Variants in MTUS2 observed in about 807,000 individuals in gnomAD.
The protein encoded by MTUS2 is microtubule associated scaffold protein 2, also known as microtubule-associated tumor suppressor candidate 2.
MTUS2 carries 40 observed loss-of-function variants against 114.1 expected under a neutral mutation model. That is an observed-to-expected ratio of 0.35 (90% confidence interval 0.27 to 0.46). The LOEUF is 0.46. Ranked by LOEUF, MTUS2 falls within the 20% of genes least tolerant of loss-of-function variation. The pLI, the probability that MTUS2 is intolerant of heterozygous loss-of-function variation, is 1.00. For missense variants in MTUS2, 1,679 were observed against 1,705.4 expected (o/e 0.98, Z 0.27); for synonymous variants, 688 against 672.0 (o/e 1.02, Z -0.37).
chr13:29,112,283 G>A (rs6490355), intron 5 of MTUS2, among the ~76,000 whole-genome samples: 101,077 of 151,866 alleles, frequency 0.67, 34,292 homozygotes, highest in Non-Finnish European at 0.74. Context: ...AGAAGGCTTG[G>A]TCAGCGAGGC....
intron 9 of MTUS2, among the ~76,000 whole-genome samples, chr13:29,460,340 C>A (rs971334509): frequency 6.6e-6 from 1 of 152,114 alleles, no homozygotes; most frequent in African/African-American, 2.4e-5. Flanking sequence ...ATAATGGCTG[C>A]CAATATTAGG....
At chr13:29,390,270 G>A (rs1333076795) in intron 8 of MTUS2, among the ~76,000 whole-genome samples, 1 of 151,858 alleles carries the variant, frequency 6.6e-6, no homozygotes, top group African/African-American at 2.4e-5. Flanking sequence ...AGGATCAGGA[G>A]TGTATAAGAG....
intron 5 of MTUS2, among the ~76,000 whole-genome samples, chr13:29,219,447 G>C (rs545658716): frequency 9.0e-4 from 136 of 151,852 alleles, no homozygotes; most frequent in Non-Finnish European, 1.6e-3. Context: ...GTGCATGTGT[G>C]TTTATAGCAG....
At chr13:29,276,365 A>C (rs1166564027) in intron 5 of MTUS2, among the ~76,000 whole-genome samples, 1 of 152,182 alleles carries the variant, frequency 6.6e-6, no homozygotes, top group Non-Finnish European at 1.5e-5. Context: ...ATTTTACTCT[A>C]ATGAAGGGAT....
intron 5 of MTUS2, among the ~76,000 whole-genome samples, chr13:29,121,524 G>T (rs1891307751): frequency 1.3e-5 from 2 of 152,060 alleles, no homozygotes; most frequent in South Asian, 4.2e-4. Context: ...ATTTTAAAAA[G>T]ATATATAATA....
intron 2 of MTUS2, among the ~76,000 whole-genome samples, chr13:28,861,923 A>AT (rs1437695171): frequency 6.6e-6 from 1 of 151,892 alleles, no homozygotes; most frequent in Non-Finnish European, 1.5e-5. Flanking sequence ...CTTCCCTTCA[A>AT]TTTTTGCTGC....
chr13:28,902,717 C>T (rs905485369), intron 2 of MTUS2, among the ~76,000 whole-genome samples: 3 of 152,010 alleles, frequency 2.0e-5, no homozygotes, highest in Non-Finnish European at 4.4e-5. Flanking sequence ...ACTCAATTTG[C>T]TAATATTATG....
At chr13:29,263,135 A>G (rs1230760782) in intron 5 of MTUS2, among the ~76,000 whole-genome samples, 3 of 152,212 alleles carry the variant, frequency 2.0e-5, no homozygotes, top group African/African-American at 7.2e-5. Flanking sequence ...TGACTGTACT[A>G]TATGGCACTC....
At chr13:28,949,574 T>G (rs1361880117) in intron 2 of MTUS2, among the ~76,000 whole-genome samples, 1 of 152,204 alleles carries the variant, frequency 6.6e-6, no homozygotes, top group East Asian at 1.9e-4. Flanking sequence ...ACTCTTTTTT[T>G]CACCTTGAAA....
intron 7 of MTUS2, among the ~76,000 whole-genome samples, chr13:29,336,644 G>T (rs1315405983): frequency 2.0e-5 from 3 of 152,212 alleles, no homozygotes; most frequent in Admixed American, 6.5e-5. Context: ...GAGGCAGTCT[G>T]TTCCTTAGCT....
rs559505170 is a variant in MTUS2 at position 29,494,120 on chromosome 13, C to T, written c.3579+1401C>T. ...TAGCCTCTGTAAACCTTAGTTTACT[C>T]TTTAAAATAAGGATGATGACAGTAT... On this transcript the variant is annotated intron_variant, in intron 12 of 15. Coordinates refer to ENST00000612955, the MANE Select transcript of MTUS2 (RefSeq NM_001033602.4). Among the ~76,000 whole-genome samples the T allele has an allele frequency of 1.6e-3, 250 of 152,262 alleles. 1 individual carries two copies. The highest frequency in any genetic ancestry group is 5.8e-3 in the African/African-American group (242 of 41,546).
chr13:29,025,482 G>GTT lies in MTUS2; in HGVS notation c.785_786insTT (p.Gly263TrpfsTer23). ...GAGCACTCCCTCAGAGACCCAAACA[G>GTT]TGGGGGCACATGTACTGCAGGTGTG... On this transcript the variant is annotated frameshift_variant, in exon 3 of 16. Transcript: ENST00000612955. LOFTEE classifies it high-confidence loss of function. 1 of 1,613,514 alleles carries GTT rather than the reference G, an allele frequency of 6.2e-7. No homozygotes were observed. The highest frequency in any genetic ancestry group is 8.5e-7 in the Non-Finnish European group (1 of 1,179,684).
At chr13:29,194,790 G>A (rs1478828687) in intron 5 of MTUS2, among the ~76,000 whole-genome samples, 1 of 152,044 alleles carries the variant, frequency 6.6e-6, no homozygotes, top group Non-Finnish European at 1.5e-5. Context: ...AAAGACACAT[G>A]CACATGCATG....
intron 8 of MTUS2, among the ~76,000 whole-genome samples, chr13:29,405,398 C>T (rs1030936368): frequency 5.3e-5 from 8 of 152,176 alleles, no homozygotes; most frequent in African/African-American, 9.7e-5. Context: ...TTAGAAAGTT[C>T]ATAAGCATCA....
intron 2 of MTUS2, among the ~76,000 whole-genome samples, chr13:28,855,947 C>T (rs1876600737): frequency 6.6e-6 from 1 of 152,082 alleles, no homozygotes; most frequent in African/African-American, 2.4e-5. Context: ...TGTTTCTTGA[C>T]TTTAATAATC....
At chr13:29,045,092 C>T (rs984628338) in intron 4 of MTUS2, among the ~76,000 whole-genome samples, 2 of 152,184 alleles carry the variant, frequency 1.3e-5, no homozygotes, top group African/African-American at 2.4e-5. Context: ...TTTTAATAAA[C>T]TTACTTTATT....
chr13:29,306,242 C>T (rs538977431), intron 6 of MTUS2, among the ~76,000 whole-genome samples: 1 of 152,164 alleles, frequency 6.6e-6, no homozygotes, highest in Admixed American at 6.5e-5. Context: ...CAGGGATGCC[C>T]TCTCTCACCA....
At chr13:29,104,383 G>T (rs1368825559) in intron 5 of MTUS2, among the ~76,000 whole-genome samples, 2 of 152,186 alleles carry the variant, frequency 1.3e-5, no homozygotes, top group Non-Finnish European at 2.9e-5. Context: ...ATACAGGGAA[G>T]ATATATGCAT....
intron 6 of MTUS2, among the ~76,000 whole-genome samples, chr13:29,304,422 C>A (rs1252682121): frequency 1.3e-5 from 2 of 151,258 alleles, no homozygotes; most frequent in African/African-American, 4.9e-5. Context: ...CACATAGGCT[C>A]AAAATAAAGG....
Sources: gnomAD v4.1 joint callset for allele counts (sites outside exome capture counted in the v4.1 genomes callset) on GRCh38, gnomAD v4.1.1 for gene constraint, MANE v1.5 for transcripts, NCBI Gene and HGNC (gene_info 2026-07-23, HGNC 2026-07-21) for gene names.